SYNJ2: variants seen among roughly 807,000 people sequenced by gnomAD.
SYNJ2 encodes the protein polyphosphatidylinositol phosphatase SYNJ2.
Under a neutral mutation model 141.3 loss-of-function variants are expected in SYNJ2, and 116 were observed. The observed-to-expected ratio is 0.82, with a 90% CI of 0.71 to 0.96. The LOEUF is 0.96. Ranked by LOEUF, SYNJ2 falls within the 40% of genes least tolerant of loss-of-function variation. The pLI is 0.00. For synonymous variants in SYNJ2, 745 were observed against 777.7 expected (o/e 0.96, Z 0.70); for missense variants, 1,873 against 1,934.8 (o/e 0.97, Z 0.60).
Position 157,982,062 on chromosome 6 carries a change from T to G in SYNJ2, c.101T>G (p.Phe34Cys). ...EARGRDDCLL[F>C]EAGTVATLAP... ...CGCGGCCGCGACGACTGCCTGCTGT[T>G]CGAGGCCGGCACGGTGGCCACGCTG... The change falls in exon 1 of 27, where the codon TTC becomes TGC. Residue 34 changes from phenylalanine (F) to cysteine (C), a missense_variant. Phe to Cys is a radical substitution (Grantham distance 205). Coordinates refer to ENST00000355585, the MANE Select transcript of SYNJ2 (RefSeq NM_003898.4). The surrounding 1 kb of genome is among the most constrained non-coding windows in gnomAD (Gnocchi z 4.0). 7.5e-7 allele frequency: 1 copy of G among 1,338,308 alleles called. No homozygotes were observed. Among genetic ancestry groups the G allele is most frequent in the Non-Finnish European group, 9.6e-7 (1 of 1,046,408 alleles). 82.9% of individuals were successfully genotyped at this position (1,338,308 alleles called of 1,614,324 possible).
intron 2 of SYNJ2, among the ~76,000 whole-genome samples, chr6:158,024,294 T>C (rs1778924216): frequency 6.6e-6 from 1 of 152,084 alleles, no homozygotes; most frequent in Non-Finnish European, 1.5e-5. Flanking sequence ...GCATGGGGGC[T>C]CATGCCTGTA....
chr6:157,983,814 G>T (rs1016407646), intron 1 of SYNJ2, among the ~76,000 whole-genome samples: 1 of 151,270 alleles, frequency 6.6e-6, no homozygotes, highest in African/African-American at 2.4e-5. Flanking sequence ...TTTTTCAGTA[G>T]AAAACTTTAA....
At chr6:158,024,894 A>C (rs1386585726) in intron 2 of SYNJ2, among the ~76,000 whole-genome samples, 1 of 152,160 alleles carries the variant, frequency 6.6e-6, no homozygotes, top group African/African-American at 2.4e-5. Context: ...AGAGGCTCCC[A>C]GAGTTTTAGT....
At chr6:158,023,984 T>C (rs1215177723) in intron 2 of SYNJ2, among the ~76,000 whole-genome samples, 1 of 152,252 alleles carries the variant, frequency 6.6e-6, no homozygotes, top group African/African-American at 2.4e-5. Context: ...TATTTATTAA[T>C]GTGAACAGGA....
intron 1 of SYNJ2, among the ~76,000 whole-genome samples, chr6:158,000,565 G>C (rs1020693056): frequency 6.6e-6 from 1 of 152,104 alleles, no homozygotes; most frequent in Non-Finnish European, 1.5e-5. Flanking sequence ...AAATCAGAAA[G>C]TCCTGAAAAA....
intron 1 of SYNJ2, among the ~76,000 whole-genome samples, chr6:157,985,620 A>G (rs546778731): frequency 1.4e-4 from 21 of 152,232 alleles, no homozygotes; most frequent in Non-Finnish European, 2.6e-4. Context: ...TGTCTCTTGT[A>G]AACTTAGGGA....
Position 158,086,898 on chromosome 6 carries a change from C to T in SYNJ2, c.3252C>T (p.Val1084=), listed in dbSNP as rs1335229384. The T allele has an allele frequency of 3.1e-6, 5 of 1,610,286 alleles. No individual in the cohort carries two copies. The African/African-American group carries it at 5.3e-5, about 17-fold the overall frequency. Residue 1084 remains valine, a synonymous_variant, in exon 23 of 27, where the codon GTC becomes GTT. Transcript: ENST00000355585. ...AGCTCAAGCGGGAGCTGGAAGCCGT[C>T]GGGGAGTTCCGCCACCGTTCTCCGA... ...LVELKRELEA[V]GEFRHRSPSR...
chr6:158,022,989 C>T (rs1427184952), intron 2 of SYNJ2, among the ~76,000 whole-genome samples: 1 of 152,110 alleles, frequency 6.6e-6, no homozygotes, highest in African/African-American at 2.4e-5. Context: ...GTGGCTCATA[C>T]CTGTAATCCT....
chr6:157,993,807 T>G lies in SYNJ2; in HGVS notation c.127+11719T>G, dbSNP rs1223182402. ...TCTGGAAATGTGTGGGTTTTTTTTT[T>G]TTTTTTTTTTTTTTTTTTTTTTTTT... On this transcript the variant is annotated intron_variant, in intron 1 of 26. Transcript: ENST00000355585. Among the ~76,000 whole-genome samples the G allele has an allele frequency of 1.3e-4, 13 of 99,126 alleles. No individual in the cohort carries two copies. The South Asian group carries it at 2.1e-3, about 16-fold the overall frequency. The allele number at this position is 99,126 out of a possible 152,430, so 65.0% of individuals were successfully genotyped here. A position where few individuals can be genotyped will look rare whatever the true frequency, so the allele number is the denominator to read the frequency against.
chr6:158,063,783 G>A lies in SYNJ2; in HGVS notation c.1128-8G>A. 1.9e-6 allele frequency: 3 copies of A among 1,575,478 alleles called. No homozygotes were observed. Among genetic ancestry groups the A allele is most frequent in the Non-Finnish European group, 2.6e-6 (3 of 1,155,880 alleles). ...CATATAACCGTTTACATTTCTTCTTGTCCTAAGTTTTCAGAAAGGCACTTT... is the reference window on the plus strand; with the variant it reads ...CATATAACCGTTTACATTTCTTCTTATCCTAAGTTTTCAGAAAGGCACTTT... On this transcript the variant is annotated splice_polypyrimidine_tract_variant and splice_region_variant and intron_variant, in intron 8 of 26. Coordinates refer to ENST00000355585, the MANE Select transcript of SYNJ2 (RefSeq NM_003898.4).
intron 5 of SYNJ2, among the ~76,000 whole-genome samples, chr6:158,047,299 G>A (rs1780293066): frequency 6.6e-6 from 1 of 152,158 alleles, no homozygotes; most frequent in Non-Finnish European, 1.5e-5. Context: ...GTTTATGACA[G>A]TGACTCAGAG....
At position 158,065,005 on chromosome 6, in the gene SYNJ2, C is replaced by T. The variant is rs1168506556; in HGVS notation, c.1525+14C>T. 1.3e-6 allele frequency: 2 copies of T among 1,534,890 alleles called. No individual in the cohort carries two copies. The highest frequency in any genetic ancestry group is 2.0e-5 in the Admixed American group (1 of 50,532). Reference sequence around the variant, plus strand: ...CGGCGCTCCTGGGTAGGGCCTGCCGCAGACAGGGCGAGGCAGGGAGGTAGG... The same window carrying T: ...CGGCGCTCCTGGGTAGGGCCTGCCGTAGACAGGGCGAGGCAGGGAGGTAGG... On this transcript the variant is annotated intron_variant, in intron 11 of 26. Coordinates refer to ENST00000355585, the MANE Select transcript of SYNJ2 (RefSeq NM_003898.4).
At chr6:158,056,601 C>A (rs952591042) in intron 6 of SYNJ2, among the ~76,000 whole-genome samples, 1 of 152,314 alleles carries the variant, frequency 6.6e-6, no homozygotes, top group East Asian at 1.9e-4. Context: ...TGCCTAGTGG[C>A]CGCAGTGGGG....
chr6:157,995,954 T>C (rs987054363), intron 1 of SYNJ2, among the ~76,000 whole-genome samples: 39 of 152,174 alleles, frequency 2.6e-4, no homozygotes, highest in African/African-American at 9.2e-4. Flanking sequence ...AGCCCACATC[T>C]GTGGAAAGGC....
chr6:158,053,160 A>G (rs901698844), intron 5 of SYNJ2, among the ~76,000 whole-genome samples: 1 of 152,168 alleles, frequency 6.6e-6, no homozygotes, highest in African/African-American at 2.4e-5. Flanking sequence ...TACCTACATG[A>G]TGCTGTATCC....
chr6:158,066,435 T>C lies in SYNJ2; in HGVS notation c.1526-9T>C. On this transcript the variant is annotated splice_polypyrimidine_tract_variant and intron_variant, in intron 11 of 26. Transcript: ENST00000355585. ...GCAAAGAAATGTGCCTTTTTATGCC[T>C]CCTGACAGTGACTCCCAGGATCCTG... The C allele has an allele frequency of 1.2e-6, 2 of 1,614,062 alleles. No homozygotes were observed. The highest frequency in any genetic ancestry group is 8.5e-7 in the Non-Finnish European group (1 of 1,179,956).
intron 4 of SYNJ2, among the ~76,000 whole-genome samples, chr6:158,034,704 T>C (rs906822750): frequency 3.3e-5 from 5 of 152,232 alleles, no homozygotes; most frequent in Non-Finnish European, 7.3e-5. Context: ...TATGTAAATA[T>C]CTGGTTAAAA....
chr6:158,071,158 G>A lies in SYNJ2; in HGVS notation c.1941-444G>A, dbSNP rs571518890. 2.0e-5 allele frequency among the ~76,000 whole-genome samples: 3 copies of A among 152,316 alleles called. No homozygotes were observed. In the East Asian group the frequency reaches 5.8e-4, roughly 29 times the overall value. On this transcript the variant is annotated intron_variant, in intron 14 of 26. Coordinates refer to ENST00000355585, the MANE Select transcript of SYNJ2 (RefSeq NM_003898.4). This position sits in a 1 kb window ranked among gnomAD's most constrained non-coding sequence, Gnocchi z 4.3. Reference sequence around the variant, plus strand: ...AGATCACGCTGCTGCACTCCAGCCAGGGTGACAGAGCGAGACTCTGTCTCA... The same window carrying A: ...AGATCACGCTGCTGCACTCCAGCCAAGGTGACAGAGCGAGACTCTGTCTCA...
Position 157,982,898 on chromosome 6 carries a change from C to T in SYNJ2, c.127+810C>T, listed in dbSNP as rs1162907014. 5.9e-5 allele frequency among the ~76,000 whole-genome samples: 9 copies of T among 152,212 alleles called. No individual in the cohort carries two copies. The highest frequency in any genetic ancestry group is 2.6e-4 in the Admixed American group (4 of 15,278). ...CATTCAATGCGTGGCTTCCTGGTAT[C>T]GCTAACCTGGGTCCCTTGTTTTGTG... On this transcript the variant is annotated intron_variant, in intron 1 of 26. Coordinates refer to ENST00000355585, the MANE Select transcript of SYNJ2 (RefSeq NM_003898.4). This position sits in a 1 kb window ranked among gnomAD's most constrained non-coding sequence, Gnocchi z 4.0.
Sources: gnomAD v4.1 joint callset for allele counts (sites outside exome capture counted in the v4.1 genomes callset) on GRCh38, gnomAD v4.1.1 for gene constraint, Gnocchi (gnomAD v3.1) non-coding constraint, MANE v1.5 for transcripts, NCBI Gene and HGNC (gene_info 2026-07-23, HGNC 2026-07-21) for gene names.